The following KRAS variants were observed in gnomAD, a reference collection of about 807,000 sequenced individuals.
KRAS encodes the protein KRas proto-oncogene, GTPase.
KRAS carries 1 observed loss-of-function variant against 21.0 expected under a neutral mutation model. The observed-to-expected ratio is 0.05, with a 90% CI of 0.02 to 0.23. KRAS has a LOEUF of 0.23. Among genes scored for constraint, KRAS ranks in the 10% least tolerant of loss-of-function variants. The probability of loss-of-function intolerance (pLI) is 1.00; values close to 1 mark genes in which losing one functional copy is unlikely to be tolerated. For synonymous variants in KRAS, 67 were observed against 72.5 expected (o/e 0.92, Z 0.39); for missense variants, 107 against 221.8 (o/e 0.48, Z 3.29).
At chr12:25,237,810 C>T (rs532813266) in intron 2 of KRAS, among the ~76,000 whole-genome samples, 3 of 152,194 alleles carry the variant, frequency 2.0e-5, no homozygotes, top group Non-Finnish European at 2.9e-5. Context: ...TTATATACTA[C>T]ACGCAGGCCA....
intron 4 of KRAS, among the ~76,000 whole-genome samples, chr12:25,218,411 G>C (rs1592800895): frequency 6.6e-6 from 1 of 151,714 alleles, no homozygotes; most frequent in Non-Finnish European, 1.5e-5. Context: ...TGAAATATAT[G>C]ATTTTTGTTT....
At chr12:25,225,484 A>C in intron 4 of KRAS, 130 bp downstream of exon 4, 1 of 972,286 alleles carries the variant, frequency 1.0e-6, no homozygotes, top group Non-Finnish European at 1.6e-6. Context: ...CTCTCAAGAG[A>C]CAAAAACATT....
At position 25,206,462 on chromosome 12, in the gene KRAS, C is replaced by A. The variant is rs1184752449; in HGVS notation, c.*3333G>T. ...TTAGGTAACATTTATTTCTAGAATT[C>A]TCCCCCTTTAAAATCTCTACAAAAA... On this transcript the variant is annotated 3_prime_UTR_variant, in exon 5 of 5. Coordinates refer to ENST00000311936, the MANE Select transcript of KRAS (RefSeq NM_004985.5). 2 of 205,400 alleles carry A rather than the reference C, an allele frequency of 9.7e-6. No homozygotes were observed. The highest frequency in any genetic ancestry group is 1.0e-5 in the Non-Finnish European group (1 of 100,464). The allele number at this position is 205,400 out of a possible 1,614,324, so 12.7% of individuals were successfully genotyped here.
At chr12:25,231,945 C>G (rs537160592) in intron 2 of KRAS, among the ~76,000 whole-genome samples, 29 of 152,256 alleles carry the variant, frequency 1.9e-4, no homozygotes, top group African/African-American at 6.5e-4. Flanking sequence ...GTTCCAACTT[C>G]AGGTCAGGCC....
intron 2 of KRAS, among the ~76,000 whole-genome samples, chr12:25,239,726 G>A (rs941178074): frequency 3.3e-5 from 5 of 152,088 alleles, no homozygotes; most frequent in African/African-American, 9.7e-5. Context: ...CTGCTGAGGC[G>A]GGCAGATCAC....
chr12:25,238,836 A>T lies in KRAS; in HGVS notation c.111+6438T>A, dbSNP rs577205723. Among the ~76,000 whole-genome samples the T allele has an allele frequency of 1.6e-4, 24 of 152,340 alleles. No individual in the cohort carries two copies. In the South Asian group the frequency reaches 2.9e-3, roughly 18 times the overall value. ...ACATGAAGATGATTTCCATTTTTTT[A>T]AAATCATAAACAACACTGCAGTAAA... On this transcript the variant is annotated intron_variant, in intron 2 of 4. Transcript: ENST00000311936.
In KRAS at chr12:25,209,775, G is replaced by GA; in HGVS notation, c.*19dup. On this transcript the variant is annotated 3_prime_UTR_variant, in exon 5 of 5. Transcript: ENST00000311936. ...TACCACTTGTACTAGTATGCCTTAA[G>GA]AAAAAAGTACAAATTGTATTTACAT... 1 of 1,605,312 alleles carries GA rather than the reference G, an allele frequency of 6.2e-7. No homozygotes were observed. Among genetic ancestry groups the GA allele is most frequent in the Non-Finnish European group, 8.5e-7 (1 of 1,174,046 alleles).
At chr12:25,234,337 A>C (rs111672894) in intron 2 of KRAS, 1 of 180,296 alleles carries the variant, frequency 5.5e-6, no homozygotes, top group African/African-American at 2.4e-5. Flanking sequence ...AAAAAGAAAG[A>C]GCTAAATCAA....
At position 25,225,780 on chromosome 12, in the gene KRAS, A is replaced by C. The variant is rs768676917; in HGVS notation, c.291-7T>G. 6.2e-7 allele frequency: 1 copy of C among 1,611,062 alleles called. No individual in the cohort carries two copies. Among genetic ancestry groups the C allele is most frequent in the Non-Finnish European group, 8.5e-7 (1 of 1,178,446 alleles). On this transcript the variant is annotated splice_region_variant and splice_polypyrimidine_tract_variant and intron_variant, in intron 3 of 4. Transcript: ENST00000311936. ...AACTCTTTTAATTTGTTCTCTGGGA[A>C]AGAAAAAAAAGTTATAGCACAGTCA... is the stretch of plus-strand genomic sequence containing the variant.
In KRAS at chr12:25,250,658, C is replaced by T. The variant is rs1219148005; in HGVS notation, c.-12+93G>A. On this transcript the variant is annotated intron_variant, in intron 1 of 4. Transcript: ENST00000311936. ...CCCCCCACCCGCCCCTCCGGGGACC[C>T]CTAATTCATTCACTCGCCGCCGGCC... 2.3e-5 allele frequency: 4 copies of T among 173,356 alleles called. No individual in the cohort carries two copies. In the East Asian group the frequency reaches 4.3e-4, roughly 19 times the overall value. The allele number at this position is 173,356 out of a possible 1,614,324, so 10.7% of individuals were successfully genotyped here. A position where few individuals can be genotyped will look rare whatever the true frequency, so the allele number is the denominator to read the frequency against.
intron 4 of KRAS, among the ~76,000 whole-genome samples, chr12:25,214,010 A>C (rs1951227432): frequency 2.0e-5 from 3 of 152,264 alleles, no homozygotes; most frequent in Admixed American, 1.3e-4. Context: ...GGAATGAAAC[A>C]GAAGAGGTTA....
intron 4 of KRAS, among the ~76,000 whole-genome samples, chr12:25,224,183 TA>T (rs5797121): frequency 0.5 from 39,706 of 79,436 alleles, 7,811 homozygotes; most frequent in Non-Finnish European, 0.52. Context: ...TCCTATTTAC[TA>T]AAAAAAAAAA....
rs1207004299 is a variant in KRAS at position 25,206,156 on chromosome 12, C to T, written c.*3639G>A. The T allele has an allele frequency of 4.6e-6, 1 of 215,922 alleles. No homozygotes were observed. The highest frequency in any genetic ancestry group is 9.3e-6 in the Non-Finnish European group (1 of 107,288). 13.4% of individuals were successfully genotyped at this position (215,922 alleles called of 1,614,324 possible). A position where few individuals can be genotyped will look rare whatever the true frequency, so the allele number is the denominator to read the frequency against. On this transcript the variant is annotated 3_prime_UTR_variant, in exon 5 of 5. Coordinates refer to ENST00000311936, the MANE Select transcript of KRAS (RefSeq NM_004985.5). ...TACAAATGAGATGAACTTGTGCAAA[C>T]TGTAACTTAACATGCCCCACAAAGT...
intron 1 of KRAS, among the ~76,000 whole-genome samples, chr12:25,246,356 A>T (rs1045997048): frequency 2.6e-5 from 4 of 152,068 alleles, no homozygotes; most frequent in African/African-American, 9.7e-5. Flanking sequence ...CCAGGAGTTC[A>T]AGACCAGCCT....
chr12:25,215,311 G>A (rs1951241528), intron 4 of KRAS: 1 of 1,397,024 alleles, frequency 7.2e-7, no homozygotes. Context: ...ATGGAAACAA[G>A]TTTCTTATCT....
At chr12:25,218,110 A>G (rs1474155031) in intron 4 of KRAS, among the ~76,000 whole-genome samples, 1 of 152,176 alleles carries the variant, frequency 6.6e-6, no homozygotes, top group Non-Finnish European at 1.5e-5. Flanking sequence ...TTCTCTTTCA[A>G]TTTGAAAATC....
At chr12:25,223,937 A>G (rs1023887040) in intron 4 of KRAS, among the ~76,000 whole-genome samples, 1 of 152,164 alleles carries the variant, frequency 6.6e-6, no homozygotes, top group African/African-American at 2.4e-5. Context: ...TTCTTAGTAC[A>G]GTCATGTACC....
intron 2 of KRAS, among the ~76,000 whole-genome samples, chr12:25,230,645 T>TCTTGCTTATCTCTTTTCTTTGTA (rs1951455403): frequency 6.6e-6 from 1 of 152,164 alleles, no homozygotes; most frequent in Non-Finnish European, 1.5e-5. Context: ...GACATTTATC[T>TCTTGCTTATCTCTTTTCTTTGTA]CTTGCTTATC....
chr12:25,215,165 G>T, intron 4 of KRAS: 3 of 522,780 alleles, frequency 5.7e-6, no homozygotes, highest in Non-Finnish European at 7.2e-6. Flanking sequence ...GTAAATATCA[G>T]TTTCCAAATA....
Sources: allele counts gnomAD v4.1 joint callset (sites outside exome capture counted in the v4.1 genomes callset), GRCh38; gene constraint gnomAD v4.1.1; transcripts MANE v1.5; gene names NCBI Gene and HGNC (gene_info 2026-07-23, HGNC 2026-07-21).